ANKRD36C: variants seen among roughly 807,000 people sequenced by gnomAD.
ANKRD36C encodes ankyrin repeat domain-containing protein 36C.
In ANKRD36C, 61 loss-of-function variants were observed where a neutral mutation model predicts 276.4. The observed-to-expected ratio is 0.22, with a 90% CI of 0.18 to 0.27. ANKRD36C has a LOEUF of 0.27. Ranked by LOEUF, ANKRD36C falls within the 10% of genes least tolerant of loss-of-function variation. The pLI is 1.00. For missense variants in ANKRD36C, 1,447 were observed against 2,032.3 expected (o/e 0.71, Z 5.54); for synonymous variants, 483 against 680.1 (o/e 0.71, Z 4.51).
At chr2:95,944,686 C>T in exon 19 of ANKRD36C, 1 of 1,537,132 alleles carries the variant, frequency 6.5e-7, no homozygotes, top group Non-Finnish European at 8.7e-7. Flanking sequence ...ATGCCACATG[C>T]AGCATCTACT....
intron 42 of ANKRD36C, chr2:95,902,890 C>T (rs183768630): frequency 1.9e-6 from 3 of 1,576,144 alleles, no homozygotes; most frequent in South Asian, 2.3e-5. Flanking sequence ...AATTACCTCT[C>T]CTAGTTTTTT....
chr2:95,959,208 A>T (rs990844736), intron 10 of ANKRD36C, among the ~76,000 whole-genome samples: 1 of 152,288 alleles, frequency 6.6e-6, no homozygotes, highest in African/African-American at 2.4e-5. Flanking sequence ...ACAAATATTT[A>T]TCATGTTCTT....
intron 36 of ANKRD36C, among the ~76,000 whole-genome samples, chr2:95,916,425 G>A (rs1194412309): frequency 4.6e-5 from 7 of 151,530 alleles, no homozygotes; most frequent in Non-Finnish European, 1.0e-4. Flanking sequence ...AAATAAAACC[G>A]TGTCAATATC....
At position 95,935,597 on chromosome 2, in the gene ANKRD36C, T is replaced by G. The variant is rs74453630; in HGVS notation, c.1662+19A>C. The G allele has an allele frequency of 0.013, 19,995 of 1,533,918 alleles. No homozygotes were observed. The highest frequency in any genetic ancestry group is 0.019 in the South Asian group (1,575 of 83,610). On this transcript the variant is annotated intron_variant, in intron 23 of 66. Coordinates refer to ENST00000456556, the Ensembl canonical transcript of ANKRD36C. ...CACAAAGCATTTTGTTAATTAAAAA[T>G]GAAAATATATTTGTTTACCGTGGAT... is the stretch of plus-strand genomic sequence containing the variant.
At chr2:95,866,715 AG>A (rs780314532) in intron 60 of ANKRD36C, among the ~76,000 whole-genome samples, 1 of 152,146 alleles carries the variant, frequency 6.6e-6, no homozygotes, top group Non-Finnish European at 1.5e-5. Context: ...AAAACCATTT[AG>A]CAGCTTTTAA....
At chr2:95,881,305 C>T (rs1426848107) in intron 56 of ANKRD36C, among the ~76,000 whole-genome samples, 1 of 152,020 alleles carries the variant, frequency 6.6e-6, no homozygotes, top group Non-Finnish European at 1.5e-5. Flanking sequence ...TATATAAACC[C>T]CATCAAAAAG....
intron 40 of ANKRD36C, among the ~76,000 whole-genome samples, 158 bp from the exon 43 acceptor site, chr2:95,912,593 A>G (rs184446999): frequency 0.023 from 3,456 of 151,438 alleles, 131 homozygotes; most frequent in African/African-American, 0.08. Context: ...CGTGACAGAA[A>G]CACACTGAAA....
chr2:95,935,719 T>G, intron 22 of ANKRD36C, 75 bp from the exon 23 acceptor site: 1 of 1,505,046 alleles, frequency 6.6e-7, no homozygotes, highest in South Asian at 1.2e-5. Context: ...AGATTAGGTT[T>G]CCCATGACTA....
intron 17 of ANKRD36C, 32 bp downstream of exon 17, chr2:95,948,498 G>C (rs1226012117): frequency 6.6e-7 from 1 of 1,516,490 alleles, no homozygotes; most frequent in Admixed American, 2.1e-5. Flanking sequence ...GATTCGGAGT[G>C]AGAAAATTAA....
At chr2:95,861,933 T>A (rs1239647132) in intron 60 of ANKRD36C, among the ~76,000 whole-genome samples, 1 of 151,828 alleles carries the variant, frequency 6.6e-6, no homozygotes, top group Non-Finnish European at 1.5e-5. Context: ...TGAGCAGGTG[T>A]GGCTGTATTA....
At position 95,962,502 on chromosome 2, in the gene ANKRD36C, A is replaced by G. The variant is rs1573806654; in HGVS notation, c.828+17T>C. 1 of 1,600,420 alleles carries G rather than the reference A, an allele frequency of 6.2e-7. No individual in the cohort carries two copies. Among genetic ancestry groups the G allele is most frequent in the East Asian group, 2.2e-5 (1 of 44,744 alleles). On this transcript the variant is annotated intron_variant, in intron 7 of 66. Transcript: ENST00000456556. ...TATATAGTTAATAGTTCAAAACAGA[A>G]ATGAATGTGTAATTACCTTCAAGGC...
intron 17 of ANKRD36C, among the ~76,000 whole-genome samples, chr2:95,946,994 C>A (rs1186543379): frequency 6.6e-6 from 1 of 151,602 alleles, no homozygotes; most frequent in Non-Finnish European, 1.5e-5. Context: ...TACTAACCTG[C>A]ACAATGTGCA....
intron 56 of ANKRD36C, among the ~76,000 whole-genome samples, chr2:95,881,549 A>C (rs895966485): frequency 2.0e-5 from 3 of 151,656 alleles, no homozygotes; most frequent in African/African-American, 7.3e-5. Context: ...ACTTTGGAAA[A>C]AAACTAAATA....
chr2:95,865,767 A>G (rs553496313), intron 60 of ANKRD36C, among the ~76,000 whole-genome samples: 48 of 152,214 alleles, frequency 3.2e-4, no homozygotes, highest in Admixed American at 2.6e-3. Flanking sequence ...GGGGTTTTAG[A>G]GCATTTCAGA....
At chr2:95,912,516 A>G in intron 40 of ANKRD36C, 81 bp from the exon 43 acceptor site, 1 of 1,590,940 alleles carries the variant, frequency 6.3e-7, no homozygotes, top group Non-Finnish European at 8.5e-7. Flanking sequence ...GTTAGCATCA[A>G]CCTCTGACCT....
intron 44 of ANKRD36C, among the ~76,000 whole-genome samples, chr2:95,892,267 A>T (rs892516174): frequency 6.6e-6 from 1 of 151,532 alleles, no homozygotes; most frequent in African/African-American, 2.4e-5. Flanking sequence ...ACACCATTAT[A>T]CTACAAACAT....
chr2:95,927,162 G>C, intron 28 of ANKRD36C, 52 bp downstream of exon 28: 1 of 1,600,872 alleles, frequency 6.2e-7, no homozygotes, highest in Non-Finnish European at 8.5e-7. Flanking sequence ...GGGAAGAGAA[G>C]TACTTTTCTA....
At chr2:95,958,640 A>T in exon 12 of ANKRD36C, 1 of 1,548,014 alleles carries the variant, frequency 6.5e-7, no homozygotes, top group Non-Finnish European at 8.7e-7. Context: ...TGTTCGAAAC[A>T]GAATCGTTCT....
At chr2:95,979,926 G>A (rs1383842506) in intron 5 of ANKRD36C, among the ~76,000 whole-genome samples, 5 of 151,948 alleles carry the variant, frequency 3.3e-5, no homozygotes, top group Admixed American at 2.6e-4. Flanking sequence ...AACAGAGCAA[G>A]GTTCTGCTGT....
Sources: gnomAD v4.1 joint callset for allele counts (sites outside exome capture counted in the v4.1 genomes callset) on GRCh38, gnomAD v4.1.1 for gene constraint, MANE v1.5 for transcripts, NCBI Gene and HGNC (gene_info 2026-07-23, HGNC 2026-07-21) for gene names.